The following CRTAM variants were observed in gnomAD, a reference collection of about 807,000 sequenced individuals.
The protein encoded by CRTAM is cytotoxic and regulatory T-cell molecule.
In CRTAM, 44 loss-of-function variants were observed where a neutral mutation model predicts 50.0. The ratio of observed to expected loss-of-function variants is 0.88; its 90% CI spans 0.69 to 1.13. CRTAM has a LOEUF of 1.13. Among genes scored for constraint, CRTAM ranks in the 50% most tolerant of loss-of-function variants. The pLI, the probability that CRTAM is intolerant of heterozygous loss-of-function variation, is 0.00. For synonymous variants in CRTAM, 159 were observed against 169.3 expected, an observed-to-expected ratio of 0.94 and a Z score of 0.47; for missense variants, 448 against 457.5, an observed-to-expected ratio of 0.98 and a Z score of 0.19.
At chr11:122,851,384 T>C (rs1466870099) in intron 2 of CRTAM, among the ~76,000 whole-genome samples, 1 of 152,220 alleles carries the variant, frequency 6.6e-6, no homozygotes, top group Non-Finnish European at 1.5e-5. Context: ...TGTTAAAAGT[T>C]CTGAGAGAAA....
chr11:122,850,313 C>G lies in CRTAM; in HGVS notation c.193+99C>G. 5 of 1,265,720 alleles carry G rather than the reference C, an allele frequency of 4.0e-6. No homozygotes were observed. In the South Asian group the frequency reaches 8.5e-5, roughly 21 times the overall value. 78.4% of individuals were successfully genotyped at this position (1,265,720 alleles called of 1,614,324 possible). On this transcript the variant is annotated intron_variant, in intron 2 of 9. Coordinates refer to ENST00000227348, the MANE Select transcript of CRTAM (RefSeq NM_019604.4). ...GGACAGAAAGCCTGCATGAGTCACC[C>G]AAGGGGTGGGCTCAGCCCACCTACT... is the stretch of plus-strand genomic sequence containing the variant.
At chr11:122,859,272 C>G (rs1862041951) in intron 5 of CRTAM, among the ~76,000 whole-genome samples, 2 of 152,014 alleles carry the variant, frequency 1.3e-5, no homozygotes. Flanking sequence ...CCACACCTGG[C>G]TAATTTTTTT....
At chr11:122,850,279 A>T (rs1335420330) in intron 2 of CRTAM, 65 bp downstream of exon 2, 1 of 1,479,050 alleles carries the variant, frequency 6.8e-7, no homozygotes, top group Non-Finnish European at 9.1e-7. Context: ...CCAGCCGGAC[A>T]GTTTGGTGGG....
intron 2 of CRTAM, 131 bp downstream of exon 2, chr11:122,850,345 C>T: frequency 1.2e-6 from 1 of 825,820 alleles, no homozygotes; most frequent in Non-Finnish European, 1.8e-6. Context: ...TACTGTTACA[C>T]ATGAATCACG....
Position 122,871,616 on chromosome 11 carries a change from A to G in CRTAM, c.*217A>G. The G allele has an allele frequency of 5.8e-6, 2 of 347,182 alleles. No homozygotes were observed. The highest frequency in any genetic ancestry group is 4.2e-5 in the African/African-American group (2 of 47,546). The allele number at this position is 347,182 out of a possible 1,614,324, so 21.5% of individuals were successfully genotyped here. A position where few individuals can be genotyped will look rare whatever the true frequency, so the allele number is the denominator to read the frequency against. On this transcript the variant is annotated 3_prime_UTR_variant, in exon 10 of 10. Coordinates refer to ENST00000227348, the MANE Select transcript of CRTAM (RefSeq NM_019604.4). ...TTGTAGTTTAAAAAAGAAAAGCAAAAAAATAATTATGCCTGACACTACTTC... is the reference window on the plus strand; with the variant it reads ...TTGTAGTTTAAAAAAGAAAAGCAAAGAAATAATTATGCCTGACACTACTTC...
rs372381479 is a variant in CRTAM, at chr11:122,864,673, C to A, written c.771C>A (p.Asp257Glu). Residue 257 changes from aspartate (D) to glutamate (E), a missense_variant, in exon 7 of 10, where the codon GAC becomes GAA. Coordinates refer to ENST00000227348, the MANE Select transcript of CRTAM (RefSeq NM_019604.4). ...AAGATTCTAGTACATCGGAGATTGA[C>A]AAGGAAGAGAAAGAACAAACCACTC... The part of the protein sequence containing the change: ...VTEDSSTSEI[D>E]KEEKEQTTQD... 1.2e-6 allele frequency: 2 copies of A among 1,613,532 alleles called. No individual in the cohort carries two copies. The highest frequency in any genetic ancestry group is 1.7e-6 in the Non-Finnish European group (2 of 1,179,678).
Position 122,858,793 on chromosome 11 carries a change from A to AC in CRTAM, c.652+2938dup, listed in dbSNP as rs533871819. Among the ~76,000 whole-genome samples, 499 of 152,258 alleles carry AC rather than the reference A, an allele frequency of 3.3e-3. 4 individuals are homozygous for AC. The highest frequency in any genetic ancestry group is 0.011 in the African/African-American group (467 of 41,558). On this transcript the variant is annotated intron_variant, in intron 5 of 9. Transcript: ENST00000227348. ...TCCTCCCTCATCGGCCACCCAAAGCACTGGGATTAGAGGCGTGAGCTACTG... is the reference window on the plus strand; with the variant it reads ...TCCTCCCTCATCGGCCACCCAAAGCACCTGGGATTAGAGGCGTGAGCTACTG...
chr11:122,853,573 C>A (rs890524580), intron 3 of CRTAM, among the ~76,000 whole-genome samples: 16 of 151,778 alleles, frequency 1.1e-4, no homozygotes, highest in Middle Eastern at 3.4e-3. Flanking sequence ...GTAATCCCAG[C>A]ACTTTGGGAG....
chr11:122,862,591 C>G (rs1312238456), intron 6 of CRTAM, 47 bp downstream of exon 6: 1 of 1,192,304 alleles, frequency 8.4e-7, no homozygotes, highest in South Asian at 1.3e-5. Context: ...ATCACGTTTC[C>G]TTGGGAAGGT....
chr11:122,840,342 A>G (rs574682692), intron 1 of CRTAM, among the ~76,000 whole-genome samples: 1 of 152,310 alleles, frequency 6.6e-6, no homozygotes, highest in African/African-American at 2.4e-5. Flanking sequence ...CCAAGTTTTA[A>G]AGCTAGAATA....
At chr11:122,850,336 AC>A (rs746238143) in intron 2 of CRTAM, 122 bp downstream of exon 2, 1 of 898,650 alleles carries the variant, frequency 1.1e-6, no homozygotes, top group Non-Finnish European at 1.6e-6. Context: ...CAGCCCACCT[AC>A]TGTTACACAT....
chr11:122,856,600 G>C (rs973407941), intron 5 of CRTAM, among the ~76,000 whole-genome samples: 1 of 152,192 alleles, frequency 6.6e-6, no homozygotes, highest in African/African-American at 2.4e-5. Flanking sequence ...AAAGTATAAG[G>C]AATTACTCAC....
intron 5 of CRTAM, among the ~76,000 whole-genome samples, chr11:122,860,380 AT>A (rs1375937584): frequency 6.6e-6 from 1 of 152,150 alleles, no homozygotes; most frequent in Admixed American, 6.6e-5. Flanking sequence ...ATTTTAATTA[AT>A]TTTAATTTAA....
At chr11:122,862,795 A>ATGTG (rs1862104809) in intron 6 of CRTAM, among the ~76,000 whole-genome samples, 1 of 152,170 alleles carries the variant, frequency 6.6e-6, no homozygotes, top group South Asian at 2.1e-4. Context: ...TGAGATAGAG[A>ATGTG]TGTACACATG....
intron 1 of CRTAM, among the ~76,000 whole-genome samples, chr11:122,844,767 T>TG (rs779476032): frequency 7.2e-5 from 11 of 152,216 alleles, no homozygotes; most frequent in Non-Finnish European, 1.6e-4. Flanking sequence ...AGCATCACAA[T>TG]GCTATGGAAG....
intron 1 of CRTAM, among the ~76,000 whole-genome samples, chr11:122,842,809 A>G (rs977781994): frequency 1.3e-5 from 2 of 152,182 alleles, no homozygotes; most frequent in Non-Finnish European, 2.9e-5. Context: ...GTTGGTGATG[A>G]CATTAATTTA....
chr11:122,863,009 G>C (rs907551282), intron 6 of CRTAM, among the ~76,000 whole-genome samples: 6 of 152,132 alleles, frequency 3.9e-5, no homozygotes, highest in Middle Eastern at 3.2e-3. Context: ...CACCTCTGAA[G>C]GCACATCAAT....
Position 122,838,522 on chromosome 11 carries a change from A to G in CRTAM, c.-25A>G. The G allele has an allele frequency of 6.2e-7, 1 of 1,611,658 alleles. No homozygotes were observed. Among genetic ancestry groups the G allele is most frequent in the Non-Finnish European group, 8.5e-7 (1 of 1,179,010 alleles). On this transcript the variant is annotated 5_prime_UTR_variant, in exon 1 of 10. Transcript: ENST00000227348. ...CTCAGAATCTAGAGGAAGTTGACAA[A>G]GGTGCCACAGCAGCACAGCACAGTA... is the stretch of plus-strand genomic sequence containing the variant.
intron 7 of CRTAM, among the ~76,000 whole-genome samples, chr11:122,865,043 AT>A (rs980680693): frequency 6.1e-4 from 92 of 150,330 alleles, no homozygotes; most frequent in African/African-American, 2.1e-3. Context: ...ATATATATAT[AT>A]TTTTTTTGTG....
Sources: allele counts gnomAD v4.1 joint callset (sites outside exome capture counted in the v4.1 genomes callset), GRCh38; gene constraint gnomAD v4.1.1; transcripts MANE v1.5; gene names NCBI Gene and HGNC (gene_info 2026-07-23, HGNC 2026-07-21).